Variants in SMYD3 observed in about 807,000 individuals in gnomAD.
SMYD3 encodes histone-lysine N-methyltransferase SMYD3.
SMYD3 carries 36 observed loss-of-function variants against 57.7 expected under a neutral mutation model. The observed-to-expected ratio is 0.62, with a 90% CI of 0.48 to 0.82. The LOEUF is 0.82. Among genes scored for constraint, SMYD3 ranks in the 40% least tolerant of loss-of-function variants. The pLI is 0.00. For missense variants in SMYD3, 515 were observed against 538.8 expected, an observed-to-expected ratio of 0.96 and a Z score of 0.44; for synonymous variants, 211 against 195.0, an observed-to-expected ratio of 1.08 and a Z score of -0.68.
intron 10 of SMYD3, among the ~76,000 whole-genome samples, chr1:245,793,098 A>G (rs1315999936): frequency 7.4e-5 from 6 of 81,152 alleles, no homozygotes; most frequent in South Asian, 8.5e-4. Context: ...TCACGAAATC[A>G]GGAGATCAAG....
chr1:246,227,120 CTTTGTAGTAAAATGGTAG>C, intron 5 of SMYD3, among the ~76,000 whole-genome samples: 4 of 152,274 alleles, frequency 2.6e-5, no homozygotes, highest in South Asian at 2.1e-4. Context: ...GTCCCATATA[CTTTGTAGTAAAATGGTAG>C]ACCCTGAGGT....
chr1:246,297,633 T>C (rs2064820354), intron 5 of SMYD3, among the ~76,000 whole-genome samples: 1 of 152,150 alleles, frequency 6.6e-6, no homozygotes, highest in Non-Finnish European at 1.5e-5. Flanking sequence ...TTTTTAACCC[T>C]AAACAAGAAT....
At chr1:245,917,455 G>A (rs1485947644) in intron 7 of SMYD3, among the ~76,000 whole-genome samples, 1 of 152,176 alleles carries the variant, frequency 6.6e-6, no homozygotes, top group African/African-American at 2.4e-5. Flanking sequence ...AATCCCACCT[G>A]TTCCCTCTCA....
chr1:246,136,032 C>A (rs758517672), intron 5 of SMYD3, among the ~76,000 whole-genome samples: 3 of 152,200 alleles, frequency 2.0e-5, no homozygotes. Flanking sequence ...CTGCTGATAA[C>A]TTCTCACTGT....
At chr1:246,344,901 T>C (rs12131278) in intron 2 of SMYD3, among the ~76,000 whole-genome samples, 83,259 of 151,998 alleles carry the variant, frequency 0.55, 23,665 homozygotes, top group Middle Eastern at 0.71. Flanking sequence ...CTCAGTTTTC[T>C]TACTACTGAA....
chr1:245,807,810 A>AG (rs200906871), intron 10 of SMYD3, among the ~76,000 whole-genome samples: 184 of 148,948 alleles, frequency 1.2e-3, no homozygotes, highest in African/African-American at 4.5e-3. Context: ...GTAATTTCCC[A>AG]GGGAAAAAAA....
intron 5 of SMYD3, among the ~76,000 whole-genome samples, chr1:246,238,888 GTTT>G (rs1444880776): frequency 7.2e-5 from 9 of 124,520 alleles, no homozygotes; most frequent in Non-Finnish European, 1.4e-4. Flanking sequence ...TATTTTCTTT[GTTT>G]GGTTTTTTTT....
At chr1:246,269,545 T>C (rs2064178915) in intron 5 of SMYD3, among the ~76,000 whole-genome samples, 2 of 147,820 alleles carry the variant, frequency 1.4e-5, no homozygotes, top group African/African-American at 5.0e-5. Flanking sequence ...TTTTTTTTCT[T>C]TTTTTTTTTT....
chr1:246,078,391 T>C (rs2060581898), intron 5 of SMYD3, among the ~76,000 whole-genome samples: 1 of 152,168 alleles, frequency 6.6e-6, no homozygotes, highest in African/African-American at 2.4e-5. Context: ...AGGCCACTTT[T>C]AGGCACCGTG....
At chr1:245,936,148 G>A (rs568383719) in intron 5 of SMYD3, among the ~76,000 whole-genome samples, 1 of 152,214 alleles carries the variant, frequency 6.6e-6, no homozygotes, top group African/African-American at 2.4e-5. Flanking sequence ...ATATACAATT[G>A]TTATTCGTTA....
At chr1:245,806,979 C>T (rs1572392047) in intron 10 of SMYD3, among the ~76,000 whole-genome samples, 1 of 124,394 alleles carries the variant, frequency 8.0e-6, no homozygotes, top group African/African-American at 3.1e-5. Context: ...ATCTTCCTAA[C>T]AGTTAGAAAT....
chr1:246,377,127 A>G (rs1023191272), intron 1 of SMYD3, among the ~76,000 whole-genome samples: 2 of 151,758 alleles, frequency 1.3e-5, no homozygotes, highest in African/African-American at 4.8e-5. Context: ...TAATTCATTC[A>G]AAAGTAAGAA....
At chr1:245,869,719 A>G (rs756858811) in intron 8 of SMYD3, among the ~76,000 whole-genome samples, 3 of 151,976 alleles carry the variant, frequency 2.0e-5, no homozygotes, top group Non-Finnish European at 2.9e-5. Context: ...CTCCACCCCA[A>G]AATCCTACCC....
At chr1:246,112,449 T>G (rs1196139048) in intron 5 of SMYD3, among the ~76,000 whole-genome samples, 1 of 152,224 alleles carries the variant, frequency 6.6e-6, no homozygotes, top group Non-Finnish European at 1.5e-5. Context: ...TTTATTTGCT[T>G]TCCTCCAAAT....
At chr1:245,759,380 A>T (rs2148033601) in intron 11 of SMYD3, among the ~76,000 whole-genome samples, 1 of 152,106 alleles carries the variant, frequency 6.6e-6, no homozygotes, top group East Asian at 1.9e-4. Context: ...TAACCTAGGC[A>T]CCATGGATAC....
At chr1:246,078,088 T>G (rs918214014) in intron 5 of SMYD3, among the ~76,000 whole-genome samples, 35 of 152,180 alleles carry the variant, frequency 2.3e-4, no homozygotes, top group Middle Eastern at 6.8e-3. Flanking sequence ...TGAAATAATA[T>G]AAGTGCTCTT....
intron 1 of SMYD3, among the ~76,000 whole-genome samples, chr1:246,391,221 G>GAAAAA (rs58176373): frequency 9.0e-6 from 1 of 111,036 alleles, no homozygotes; most frequent in African/African-American, 3.3e-5. Context: ...CTCTATATCT[G>GAAAAA]AAAAAAAAAA....
intron 1 of SMYD3, among the ~76,000 whole-genome samples, chr1:246,459,423 C>T (rs111993022): frequency 6.9e-6 from 1 of 145,036 alleles, no homozygotes. Flanking sequence ...GATCTTGTTA[C>T]TTGAGAGTTT....
intron 2 of SMYD3, among the ~76,000 whole-genome samples, chr1:246,352,804 G>C (rs1202051087): frequency 1.3e-5 from 2 of 152,160 alleles, no homozygotes; most frequent in Non-Finnish European, 2.9e-5. Context: ...AAAGGATGAT[G>C]TGGCACTAGA....
Sources: gnomAD v4.1 joint callset for allele counts (sites outside exome capture counted in the v4.1 genomes callset) on GRCh38, gnomAD v4.1.1 for gene constraint, MANE v1.5 for transcripts, NCBI Gene and HGNC (gene_info 2026-07-23, HGNC 2026-07-21) for gene names.